TMEM177: variants seen among roughly 807,000 people sequenced by gnomAD.
TMEM177 encodes transmembrane protein 177.
TMEM177 carries 4 observed loss-of-function variants against 14.2 expected under a neutral mutation model. The ratio of observed to expected loss-of-function variants is 0.28; its 90% confidence interval spans 0.14 to 0.64. TMEM177 has a LOEUF of 0.64. Ranked by LOEUF, TMEM177 falls within the 30% of genes least tolerant of loss-of-function variation. TMEM177 has a pLI of 0.82. For missense variants in TMEM177, 344 were observed against 405.2 expected (o/e 0.85, Z 1.30); for synonymous variants, 179 against 174.5 (o/e 1.03, Z -0.20).
chr2:119,714,190 G>T, the TMEM177 span, among the ~76,000 whole-genome samples: 1 of 152,198 alleles, frequency 6.6e-6, no homozygotes, highest in Non-Finnish European at 1.5e-5. Flanking sequence ...ACAAGAGACA[G>T]TGAGGTGGGC....
chr2:119,680,661 C>T (rs563342420), intron 1 of TMEM177, among the ~76,000 whole-genome samples, 171 bp from the exon 2 acceptor site: 23 of 152,302 alleles, frequency 1.5e-4, no homozygotes, highest in African/African-American at 3.9e-4. Flanking sequence ...GGGAAATTGA[C>T]GCACAGAGAC....
chr2:119,694,974 C>T, the TMEM177 span, among the ~76,000 whole-genome samples: 98 of 152,294 alleles, frequency 6.4e-4, no homozygotes, highest in African/African-American at 2.0e-3. Flanking sequence ...TGGAGTGGCT[C>T]ATTAAGCAGA....
chr2:119,719,945 T>C, the TMEM177 span, among the ~76,000 whole-genome samples: 1 of 151,862 alleles, frequency 6.6e-6, no homozygotes, highest in Non-Finnish European at 1.5e-5. Flanking sequence ...AGGTGTGCAC[T>C]ACCACACCTG....
chr2:119,689,173 A>G (rs1689060110), downstream of TMEM177, among the ~76,000 whole-genome samples: 1 of 152,144 alleles, frequency 6.6e-6, no homozygotes, highest in African/African-American at 2.4e-5. Flanking sequence ...TTACTCATGC[A>G]ATCCTGTCTT....
At chr2:119,709,593 G>A in the TMEM177 span, among the ~76,000 whole-genome samples, 2 of 152,212 alleles carry the variant, frequency 1.3e-5, no homozygotes, top group African/African-American at 4.8e-5. Context: ...AGGCCAAGAT[G>A]GGCGGATCAC....
the TMEM177 span, among the ~76,000 whole-genome samples, chr2:119,697,223 C>A: frequency 6.6e-6 from 1 of 152,220 alleles, no homozygotes; most frequent in African/African-American, 2.4e-5. Flanking sequence ...CCTCCACTTC[C>A]CGTCTCCACA....
At chr2:119,719,047 G>A in the TMEM177 span, among the ~76,000 whole-genome samples, 3 of 152,134 alleles carry the variant, frequency 2.0e-5, no homozygotes, top group South Asian at 6.2e-4. Context: ...CTGCTGGGCC[G>A]TGGACCACAC....
the TMEM177 span, among the ~76,000 whole-genome samples, chr2:119,721,959 A>G: frequency 2.6e-5 from 4 of 152,220 alleles, no homozygotes; most frequent in African/African-American, 9.6e-5. Context: ...ACAGGGGATT[A>G]TTGTGATTGG....
chr2:119,722,535 G>C, the TMEM177 span, among the ~76,000 whole-genome samples: 13 of 152,224 alleles, frequency 8.5e-5, no homozygotes, highest in African/African-American at 2.9e-4. Flanking sequence ...TGCGGGAAGA[G>C]ACTCTGTTTT....
At chr2:119,721,047 T>TA in the TMEM177 span, among the ~76,000 whole-genome samples, 21 of 152,350 alleles carry the variant, frequency 1.4e-4, no homozygotes, top group East Asian at 1.5e-3. Flanking sequence ...CAGAGCTTCT[T>TA]AAAATCTTTA....
At chr2:119,719,799 T>G in the TMEM177 span, among the ~76,000 whole-genome samples, 2 of 151,680 alleles carry the variant, frequency 1.3e-5, no homozygotes, top group Non-Finnish European at 3.0e-5. Flanking sequence ...CAAGATTTTC[T>G]ATATATATAT....
rs1329841472 is a variant in TMEM177, at chr2:119,681,526, C to G, written c.673C>G (p.His225Asp). The change falls in exon 2 of 2, where the codon CAT (histidine) becomes GAT (aspartate). Residue 225 changes from histidine (H) to aspartate (D), a missense_variant. Physicochemically the swap from His to Asp is moderately conservative, Grantham distance 81. Coordinates refer to ENST00000272521, the MANE Select transcript of TMEM177 (RefSeq NM_030577.3). ...AYAFSQDSLT[H>D]AVESWLDRRT... ...CGCCTTCTCCCAGGATTCTCTCACT[C>G]ATGCCGTGGAGTCCTGGCTGGACCG... is the stretch of plus-strand genomic sequence containing the variant. 1.9e-6 allele frequency: 3 copies of G among 1,614,150 alleles called. No homozygotes were observed. The highest frequency in any genetic ancestry group is 1.7e-5 in the Admixed American group (1 of 60,034).
downstream of TMEM177, among the ~76,000 whole-genome samples, chr2:119,685,127 A>T (rs1362164155): frequency 6.6e-6 from 1 of 151,824 alleles, no homozygotes; most frequent in African/African-American, 2.4e-5. Context: ...AGGATGCCCG[A>T]CATCCCAGAG....
chr2:119,711,199 T>A, the TMEM177 span, among the ~76,000 whole-genome samples: 1 of 151,842 alleles, frequency 6.6e-6, no homozygotes, highest in Non-Finnish European at 1.5e-5. Context: ...GAAAAGAAAG[T>A]GGACTGGACC....
the TMEM177 span, chr2:119,699,899 A>C: frequency 6.6e-6 from 3 of 453,760 alleles, no homozygotes; most frequent in African/African-American, 6.0e-5. Flanking sequence ...AAAAATGCAG[A>C]GAGCAATGCT....
chr2:119,710,646 G>A, the TMEM177 span, among the ~76,000 whole-genome samples: 1 of 150,406 alleles, frequency 6.6e-6, no homozygotes, highest in Non-Finnish European at 1.5e-5. Flanking sequence ...GTCTTGCTGT[G>A]TCACCCAGGC....
downstream of TMEM177, among the ~76,000 whole-genome samples, chr2:119,683,754 G>A (rs897127837): frequency 5.9e-5 from 9 of 152,262 alleles, no homozygotes; most frequent in East Asian, 5.8e-4. Context: ...TCCTCCAGCC[G>A]TGTGTATGTG....
the TMEM177 span, among the ~76,000 whole-genome samples, chr2:119,696,354 A>G: frequency 1.3e-5 from 2 of 152,298 alleles, no homozygotes; most frequent in South Asian, 4.1e-4. Flanking sequence ...TGCTGGTATT[A>G]TCATTTGTCA....
chr2:119,686,367 C>G (rs1301144595), downstream of TMEM177: 1 of 152,224 alleles, frequency 6.6e-6, no homozygotes, highest in Non-Finnish European at 1.5e-5. Context: ...TTCCAGAGAA[C>G]TCGCTGCTGC....
Sources: gnomAD v4.1 joint callset for allele counts (sites outside exome capture counted in the v4.1 genomes callset) on GRCh38, gnomAD v4.1.1 for gene constraint, MANE v1.5 for transcripts, NCBI Gene and HGNC (gene_info 2026-07-23, HGNC 2026-07-21) for gene names.